STAG1: variants seen among roughly 807,000 people sequenced by gnomAD.
The protein encoded by STAG1 is cohesin subunit SA-1.
A neutral mutation model predicts 170.9 loss-of-function variants in STAG1; 26 were observed. The ratio of observed to expected loss-of-function variants is 0.15; its 90% CI spans 0.11 to 0.21. The LOEUF (loss-of-function observed/expected upper bound fraction) is 0.21, where lower values mean the gene tolerates loss of function less well. Ranked by LOEUF, STAG1 falls within the 10% of genes least tolerant of loss-of-function variation. The pLI is 1.00. For synonymous variants in STAG1, 514 were observed against 497.7 expected (o/e 1.03, Z -0.44); for missense variants, 964 against 1,509.5 (o/e 0.64, Z 5.99).
At chr3:136,359,697 T>C (rs1264210599) in intron 26 of STAG1, among the ~76,000 whole-genome samples, 1 of 152,162 alleles carries the variant, frequency 6.6e-6, no homozygotes, top group Non-Finnish European at 1.5e-5. Flanking sequence ...GCCCATCTAA[T>C]TTTTAGCAGA....
At chr3:136,661,659 C>G (rs1941584031) in intron 1 of STAG1, among the ~76,000 whole-genome samples, 1 of 152,118 alleles carries the variant, frequency 6.6e-6, no homozygotes, top group Non-Finnish European at 1.5e-5. Flanking sequence ...TTCTGGTCCC[C>G]AAGCATTTTA....
At chr3:136,500,010 A>G (rs548385714) in intron 9 of STAG1, 20 of 441,480 alleles carry the variant, frequency 4.5e-5, no homozygotes, top group East Asian at 3.8e-4. Flanking sequence ...TTCCAACAGC[A>G]TATGTTCTGA....
intron 1 of STAG1, among the ~76,000 whole-genome samples, chr3:136,685,744 AG>A (rs779242486): frequency 3.3e-5 from 5 of 152,208 alleles, no homozygotes; most frequent in African/African-American, 1.2e-4. Flanking sequence ...AAAACGAAAA[AG>A]GCAGTAAAAA....
chr3:136,563,518 A>C (rs1451922515), intron 5 of STAG1, among the ~76,000 whole-genome samples: 1 of 151,566 alleles, frequency 6.6e-6, no homozygotes, highest in Non-Finnish European at 1.5e-5. Flanking sequence ...CGACACACAC[A>C]CACGCACGCA....
chr3:136,652,070 C>G (rs1038325554), intron 1 of STAG1, among the ~76,000 whole-genome samples: 5 of 152,100 alleles, frequency 3.3e-5, no homozygotes, highest in Admixed American at 1.3e-4. Flanking sequence ...GGAGCTAAGG[C>G]CTTCTTGTGC....
intron 6 of STAG1, among the ~76,000 whole-genome samples, chr3:136,532,328 A>ATGT (rs774371417): frequency 6.6e-6 from 1 of 152,012 alleles, no homozygotes; most frequent in Non-Finnish European, 1.5e-5. Flanking sequence ...AGGTTCCTTT[A>ATGT]TGTTGTTGTT....
chr3:136,466,153 G>A (rs1405155826), intron 12 of STAG1, among the ~76,000 whole-genome samples: 1 of 152,190 alleles, frequency 6.6e-6, no homozygotes, highest in Non-Finnish European at 1.5e-5. Flanking sequence ...GCTGGACGGA[G>A]AATGACTTTC....
At chr3:136,672,230 A>G (rs1277836503) in intron 1 of STAG1, among the ~76,000 whole-genome samples, 1 of 152,268 alleles carries the variant, frequency 6.6e-6, no homozygotes. Context: ...GAGGCCTACA[A>G]AATGAAAATT....
intron 12 of STAG1, among the ~76,000 whole-genome samples, chr3:136,467,165 C>A (rs2089487760): frequency 6.6e-6 from 1 of 152,096 alleles, no homozygotes; most frequent in South Asian, 2.1e-4. Context: ...ACAATATTAA[C>A]CTTAAATGTA....
chr3:136,706,205 C>T (rs1173313660), intron 1 of STAG1, among the ~76,000 whole-genome samples: 1 of 152,140 alleles, frequency 6.6e-6, no homozygotes, highest in African/African-American at 2.4e-5. Context: ...CCTCTAACAT[C>T]AGAAATAAGA....
intron 1 of STAG1, among the ~76,000 whole-genome samples, chr3:136,742,439 C>CA (rs1339174383): frequency 2.0e-5 from 3 of 152,062 alleles, no homozygotes; most frequent in Non-Finnish European, 2.9e-5. Context: ...CAAGGCTGGG[C>CA]ACGGTGGCTC....
At chr3:136,371,345 A>G (rs2108297731) in intron 23 of STAG1, among the ~76,000 whole-genome samples, 1 of 152,010 alleles carries the variant, frequency 6.6e-6, no homozygotes, top group Admixed American at 6.5e-5. Context: ...GCTGTGCAGA[A>G]GCTCTTTAGT....
At chr3:136,532,067 G>T (rs143142708) in intron 6 of STAG1, among the ~76,000 whole-genome samples, 1 of 151,350 alleles carries the variant, frequency 6.6e-6, no homozygotes, top group Non-Finnish European at 1.5e-5. Flanking sequence ...AAAATACAAC[G>T]GATCAATAAA....
chr3:136,742,712 C>T (rs1254092317), intron 1 of STAG1, among the ~76,000 whole-genome samples: 7 of 143,196 alleles, frequency 4.9e-5, no homozygotes, highest in Non-Finnish European at 1.1e-4. Context: ...AAGACTCCAT[C>T]TCAAAAAAAA....
chr3:136,428,142 T>G (rs550046404), intron 16 of STAG1, among the ~76,000 whole-genome samples: 75 of 152,098 alleles, frequency 4.9e-4, no homozygotes, highest in Non-Finnish European at 3.2e-4. Flanking sequence ...GAGTACCACT[T>G]TAAAGCAAGA....
At chr3:136,347,921 G>C (rs1936293933) in intron 29 of STAG1, among the ~76,000 whole-genome samples, 1 of 152,198 alleles carries the variant, frequency 6.6e-6, no homozygotes, top group Non-Finnish European at 1.5e-5. Flanking sequence ...TTGCATAGCT[G>C]ATAATGAGAA....
At chr3:136,520,045 T>C (rs1202224914) in intron 7 of STAG1, among the ~76,000 whole-genome samples, 1 of 152,104 alleles carries the variant, frequency 6.6e-6, no homozygotes, top group Non-Finnish European at 1.5e-5. Flanking sequence ...TAATATGAAT[T>C]AACTGAGTAA....
At chr3:136,512,736 T>TAA (rs56227319) in intron 7 of STAG1, among the ~76,000 whole-genome samples, 253 of 144,034 alleles carry the variant, frequency 1.8e-3, no homozygotes, top group Middle Eastern at 3.5e-3. Flanking sequence ...TGAGGATCTA[T>TAA]AAAAAAAAAA....
At chr3:136,669,768 C>CT (rs1226875215) in intron 1 of STAG1, among the ~76,000 whole-genome samples, 1 of 152,208 alleles carries the variant, frequency 6.6e-6, no homozygotes, top group Non-Finnish European at 1.5e-5. Context: ...ATCTAACAAA[C>CT]TGACTTCTCA....
Sources: gnomAD v4.1 joint callset for allele counts (sites outside exome capture counted in the v4.1 genomes callset) on GRCh38, gnomAD v4.1.1 for gene constraint, MANE v1.5 for transcripts, NCBI Gene and HGNC (gene_info 2026-07-23, HGNC 2026-07-21) for gene names.